Variants in PPARGC1A observed in about 807,000 individuals in gnomAD.
The protein encoded by PPARGC1A is PPARG coactivator 1 alpha.
Under a neutral mutation model 88.7 loss-of-function variants are expected in PPARGC1A, and 25 were observed. That is an observed-to-expected ratio of 0.28 (90% confidence interval 0.21 to 0.39). PPARGC1A has a LOEUF of 0.39. Among genes scored for constraint, PPARGC1A ranks in the 10% least tolerant of loss-of-function variants. PPARGC1A has a pLI of 1.00. For missense variants in PPARGC1A, 880 were observed against 968.7 expected, an observed-to-expected ratio of 0.91 and a Z score of 1.22; for synonymous variants, 363 against 355.6, an observed-to-expected ratio of 1.02 and a Z score of -0.24.
the PPARGC1A span, among the ~76,000 whole-genome samples, chr4:24,135,015 C>A: frequency 6.6e-6 from 1 of 152,214 alleles, no homozygotes; most frequent in Non-Finnish European, 1.5e-5. Flanking sequence ...AGGGCTAGCT[C>A]GGAAGTACTG....
At chr4:24,207,320 A>T in the PPARGC1A span, among the ~76,000 whole-genome samples, 1 of 152,176 alleles carries the variant, frequency 6.6e-6, no homozygotes, top group African/African-American at 2.4e-5. Context: ...TTATGTACAC[A>T]CCTCTCTAAC....
the PPARGC1A span, among the ~76,000 whole-genome samples, chr4:24,177,374 C>A: frequency 1.6e-4 from 25 of 151,618 alleles, no homozygotes; most frequent in Non-Finnish European, 2.8e-4. Flanking sequence ...GGACAAAAAA[C>A]CAAACACCGC....
At chr4:24,023,915 C>T in the PPARGC1A span, among the ~76,000 whole-genome samples, 4 of 152,202 alleles carry the variant, frequency 2.6e-5, no homozygotes, top group African/African-American at 9.6e-5. Context: ...TGTTACAAAC[C>T]TTCAAAGCAG....
the PPARGC1A span, among the ~76,000 whole-genome samples, chr4:24,452,283 G>C: frequency 0.33 from 43,451 of 130,728 alleles, 8,195 homozygotes; most frequent in African/African-American, 0.55. Flanking sequence ...ACACACACAC[G>C]CACACATGCA....
the PPARGC1A span, among the ~76,000 whole-genome samples, chr4:24,313,301 A>G: frequency 6.6e-6 from 1 of 152,194 alleles, no homozygotes; most frequent in Admixed American, 6.5e-5. Flanking sequence ...AAACCTTATT[A>G]TGTGAAAGAG....
At chr4:24,149,717 T>C in the PPARGC1A span, among the ~76,000 whole-genome samples, 123 of 152,312 alleles carry the variant, frequency 8.1e-4, no homozygotes, top group Non-Finnish European at 1.4e-3. Flanking sequence ...ATGCCTGCCA[T>C]TCTAAATAAC....
chr4:24,144,612 C>A, the PPARGC1A span, among the ~76,000 whole-genome samples: 2 of 152,144 alleles, frequency 1.3e-5, no homozygotes, highest in African/African-American at 2.4e-5. Context: ...GAAAGGAAAC[C>A]TGAGCTTGAG....
At chr4:24,385,389 G>C in the PPARGC1A span, among the ~76,000 whole-genome samples, 1 of 152,026 alleles carries the variant, frequency 6.6e-6, no homozygotes, top group Non-Finnish European at 1.5e-5. Context: ...AAATAACTAA[G>C]ATCAGAGCAA....
chr4:24,368,979 A>T, the PPARGC1A span, among the ~76,000 whole-genome samples: 1 of 152,156 alleles, frequency 6.6e-6, no homozygotes, highest in Non-Finnish European at 1.5e-5. Flanking sequence ...AGAGATCCCA[A>T]GGCTCACTCT....
At chr4:23,798,057 AC>A (rs569031842) in intron 12 of PPARGC1A, among the ~76,000 whole-genome samples, 134 of 151,270 alleles carry the variant, frequency 8.9e-4, no homozygotes, top group Non-Finnish European at 1.5e-3. Context: ...GTACCTTGTG[AC>A]CCCCACTCCT....
the PPARGC1A span, among the ~76,000 whole-genome samples, chr4:24,137,256 G>A: frequency 1.3e-5 from 2 of 151,534 alleles, no homozygotes; most frequent in Admixed American, 6.6e-5. Flanking sequence ...GGGAGAAGAC[G>A]GCCATCTACG....
At chr4:23,831,112 C>G (rs1005277975) in intron 3 of PPARGC1A, among the ~76,000 whole-genome samples, 1 of 152,060 alleles carries the variant, frequency 6.6e-6, no homozygotes, top group East Asian at 1.9e-4. Context: ...TATTTCCATA[C>G]AATAAAATAC....
the PPARGC1A span, among the ~76,000 whole-genome samples, chr4:23,919,117 G>GA: frequency 2.0e-5 from 3 of 151,816 alleles, no homozygotes; most frequent in African/African-American, 4.8e-5. Flanking sequence ...TCCTATTTTT[G>GA]AAAAAAATAA....
intron 2 of PPARGC1A, among the ~76,000 whole-genome samples, chr4:23,852,605 C>T (rs1243774018): frequency 6.6e-6 from 1 of 152,122 alleles, no homozygotes; most frequent in Non-Finnish European, 1.5e-5. Flanking sequence ...ATTTTGGTAT[C>T]TTCACTATAA....
chr4:24,259,626 C>T, the PPARGC1A span, among the ~76,000 whole-genome samples: 47,428 of 152,040 alleles, frequency 0.31, 8,456 homozygotes, highest in Non-Finnish European at 0.4. Flanking sequence ...CAGTTACATC[C>T]TAGCCTACAG....
the PPARGC1A span, among the ~76,000 whole-genome samples, chr4:24,267,303 C>T: frequency 1.3e-5 from 2 of 152,110 alleles, no homozygotes; most frequent in Admixed American, 6.6e-5. Context: ...ATGGTTATTT[C>T]GGTACAATGT....
the PPARGC1A span, among the ~76,000 whole-genome samples, chr4:24,159,916 C>A: frequency 6.6e-6 from 1 of 152,194 alleles, no homozygotes; most frequent in Non-Finnish European, 1.5e-5. Flanking sequence ...TGCTGAAAGG[C>A]CACTCCCTGA....
the PPARGC1A span, among the ~76,000 whole-genome samples, chr4:24,024,976 T>C: frequency 6.6e-6 from 1 of 152,208 alleles, no homozygotes; most frequent in Non-Finnish European, 1.5e-5. Flanking sequence ...CCCACTGTTA[T>C]AGAAGTAACG....
chr4:24,053,950 G>A, the PPARGC1A span, among the ~76,000 whole-genome samples: 1 of 152,186 alleles, frequency 6.6e-6, no homozygotes, highest in Non-Finnish European at 1.5e-5. Context: ...ATGGAATGCT[G>A]CTTTAATCAT....
Sources: allele counts gnomAD v4.1 joint callset (sites outside exome capture counted in the v4.1 genomes callset), GRCh38; gene constraint gnomAD v4.1.1; transcripts MANE v1.5; gene names NCBI Gene and HGNC (gene_info 2026-07-23, HGNC 2026-07-21).